Variants in KDM1B observed in about 807,000 individuals in gnomAD.
The protein encoded by KDM1B is lysine-specific histone demethylase 2.
Under a neutral mutation model 107.4 loss-of-function variants are expected in KDM1B, and 63 were observed. The ratio of observed to expected loss-of-function variants is 0.59; its 90% confidence interval spans 0.48 to 0.72. The LOEUF is 0.72. Among genes scored for constraint, KDM1B ranks in the 30% least tolerant of loss-of-function variants. The pLI, the probability that KDM1B is intolerant of heterozygous loss-of-function variation, is 0.00. For missense variants in KDM1B, 749 were observed against 1,020.8 expected (o/e 0.73, Z 3.63); for synonymous variants, 363 against 363.9 (o/e 1.00, Z 0.03).
Position 18,204,515 on chromosome 6 carries a change from G to A in KDM1B, c.1532-1022G>A, listed in dbSNP as rs182269931. On this transcript the variant is annotated intron_variant, in intron 14 of 21. Transcript: ENST00000650836. This position sits in a 1 kb window ranked among gnomAD's most constrained non-coding sequence, Gnocchi z 4.9. Reference sequence around the variant, plus strand: ...AGAAAACACCACCAGAAAAAGAAACGTGGAGTCTGTGATACATGTTTTGGA... The same window carrying A: ...AGAAAACACCACCAGAAAAAGAAACATGGAGTCTGTGATACATGTTTTGGA... 6.5e-4 allele frequency among the ~76,000 whole-genome samples: 99 copies of A among 152,188 alleles called. 2 individuals are homozygous for A. Among genetic ancestry groups the A allele is most frequent in the Middle Eastern group, 3.4e-3 (1 of 294 alleles).
chr6:18,206,464 C>T (rs1331398123), intron 15 of KDM1B, among the ~76,000 whole-genome samples: 2 of 152,208 alleles, frequency 1.3e-5, no homozygotes, highest in African/African-American at 4.8e-5. Context: ...CTGCAGTTAG[C>T]TGTGATGGTG....
chr6:18,210,372 T>TTTTTTTTTTTTTTTTTTTTTTC (rs1788777330), intron 17 of KDM1B, among the ~76,000 whole-genome samples: 1 of 116,876 alleles, frequency 8.6e-6, no homozygotes, highest in Non-Finnish European at 1.8e-5. Context: ...TTTTTTTTTT[T>TTTTTTTTTTTTTTTTTTTTTTC]GTTTTACAGG....
At chr6:18,210,552 TGTTTCCCTA>T (rs1270334517) in intron 17 of KDM1B, among the ~76,000 whole-genome samples, 1 of 151,514 alleles carries the variant, frequency 6.6e-6, no homozygotes, top group African/African-American at 2.4e-5. Flanking sequence ...GTAGAGACAG[TGTTTCCCTA>T]TGTTGTCCAG....
In KDM1B at chr6:18,155,694, C is replaced by T. The variant is rs1784543393; in HGVS notation, c.-58+123C>T. On this transcript the variant is annotated intron_variant, in intron 1 of 21. Coordinates refer to ENST00000650836, the MANE Select transcript of KDM1B (RefSeq NM_001364614.2). The surrounding 1 kb of genome is among the most constrained non-coding windows in gnomAD (Gnocchi z 6.2). ...CTTTCCCCCTGTGCAGCGCCCCTCGCCGTGGTGGGAGGTGGGCGGGTGCCC... is the reference window on the plus strand; with the variant it reads ...CTTTCCCCCTGTGCAGCGCCCCTCGTCGTGGTGGGAGGTGGGCGGGTGCCC... The T allele has an allele frequency of 6.6e-6, 1 of 152,480 alleles. No individual in the cohort carries two copies. The highest frequency in any genetic ancestry group is 6.5e-5 in the Admixed American group (1 of 15,276). The allele number at this position is 152,480 out of a possible 1,614,324, so 9.4% of individuals were successfully genotyped here.
chr6:18,156,915 T>A (rs901208839), intron 2 of KDM1B, among the ~76,000 whole-genome samples: 2 of 151,968 alleles, frequency 1.3e-5, no homozygotes, highest in African/African-American at 4.8e-5. Context: ...AGACTCCGTC[T>A]CAAAAAAAAG....
At position 18,164,644 on chromosome 6, in the gene KDM1B, G is replaced by C. The variant is rs994097138; in HGVS notation, c.306-1623G>C. On this transcript the variant is annotated intron_variant, in intron 5 of 21. Coordinates refer to ENST00000650836, the MANE Select transcript of KDM1B (RefSeq NM_001364614.2). Reference sequence around the variant, plus strand: ...TTACTTTTTACCTTTCTGAGTCTTTGTATTTAGAGTAGGTTTCTTTTCTTT... The same window carrying C: ...TTACTTTTTACCTTTCTGAGTCTTTCTATTTAGAGTAGGTTTCTTTTCTTT... Among the ~76,000 whole-genome samples, 44 of 151,912 alleles carry C rather than the reference G, an allele frequency of 2.9e-4. 1 individual carries two copies. The highest frequency in any genetic ancestry group is 9.7e-4 in the African/African-American group (40 of 41,356).
At chr6:18,168,469 C>G (rs548208657) in intron 6 of KDM1B, among the ~76,000 whole-genome samples, 22 of 152,220 alleles carry the variant, frequency 1.4e-4, no homozygotes, top group African/African-American at 4.6e-4. Context: ...GAATAATACT[C>G]CATTGAATGG....
chr6:18,218,958 A>C (rs183407573), intron 21 of KDM1B, among the ~76,000 whole-genome samples: 1 of 152,072 alleles, frequency 6.6e-6, no homozygotes, highest in African/African-American at 2.4e-5. Flanking sequence ...GCTGGAGTGC[A>C]GTGGCACGAT....
At chr6:18,182,670 C>G (rs1371827719) in intron 7 of KDM1B, among the ~76,000 whole-genome samples, 1 of 152,044 alleles carries the variant, frequency 6.6e-6, no homozygotes, top group Non-Finnish European at 1.5e-5. Context: ...CCTCTCACCA[C>G]AGGCACGCGA....
At chr6:18,176,898 G>A (rs1014860998) in intron 7 of KDM1B, among the ~76,000 whole-genome samples, 3 of 152,122 alleles carry the variant, frequency 2.0e-5, no homozygotes, top group East Asian at 1.9e-4. Context: ...TATTTTGTTA[G>A]CGTCTATGTT....
intron 6 of KDM1B, among the ~76,000 whole-genome samples, chr6:18,170,921 T>G (rs191033799): frequency 6.6e-6 from 1 of 150,440 alleles, no homozygotes; most frequent in Non-Finnish European, 1.5e-5. Flanking sequence ...CCCGGGTTCA[T>G]GCCATTCTCC....
chr6:18,193,370 C>T (rs1310194673), intron 10 of KDM1B, among the ~76,000 whole-genome samples: 2 of 136,150 alleles, frequency 1.5e-5, no homozygotes, highest in South Asian at 2.4e-4. Flanking sequence ...GTGGCACCAT[C>T]ACAGCTCACT....
Position 18,213,834 on chromosome 6 carries a change from T to C in KDM1B, c.2109+53T>C. 1.2e-6 allele frequency: 2 copies of C among 1,600,072 alleles called. No individual in the cohort carries two copies. Among genetic ancestry groups the C allele is most frequent in the South Asian group, 2.2e-5 (2 of 90,652 alleles). On this transcript the variant is annotated intron_variant, in intron 19 of 21. Transcript: ENST00000650836. This position sits in a 1 kb window ranked among gnomAD's most constrained non-coding sequence, Gnocchi z 5.9. Reference sequence around the variant, plus strand: ...AATTTCCGTCTTAAAGTTTAGAATTTGATGTGATAATTACTCACCTATCAA... The same window carrying C: ...AATTTCCGTCTTAAAGTTTAGAATTCGATGTGATAATTACTCACCTATCAA...
chr6:18,210,525 T>C (rs1172820356), intron 17 of KDM1B, among the ~76,000 whole-genome samples: 1 of 150,354 alleles, frequency 6.7e-6, no homozygotes, highest in Non-Finnish European at 1.5e-5. Context: ...ACTCAGCTAA[T>C]TAAAAATTTT....
At chr6:18,184,273 CTTTTT>C (rs1163110910) in intron 7 of KDM1B, among the ~76,000 whole-genome samples, 3 of 116,648 alleles carry the variant, frequency 2.6e-5, no homozygotes, top group African/African-American at 9.5e-5. Flanking sequence ...GTTCTAGCTT[CTTTTT>C]TTTTTTTTTT....
intron 5 of KDM1B, 94 bp downstream of exon 5, chr6:18,163,018 T>A (rs552196640): frequency 1.9e-5 from 14 of 753,654 alleles, no homozygotes; most frequent in Non-Finnish European, 3.3e-5. Flanking sequence ...GTCTCGAGGC[T>A]TACTGAATTA....
At position 18,191,248 on chromosome 6, in the gene KDM1B, G is replaced by T. The variant is rs1330719875; in HGVS notation, c.836G>T (p.Gly279Val). The T allele has an allele frequency of 6.4e-7, 1 of 1,550,618 alleles. No homozygotes were observed. The highest frequency in any genetic ancestry group is 1.2e-5 in the South Asian group (1 of 84,060). ...FQPFYQPNEC[G>V]KALCVRPDVM... is the part of the protein sequence containing the mutation. Reference sequence around the variant, plus strand: ...CCTTTCTACCAGCCCAATGAGTGTGGCAAAGCCCTCTGTGTGAGGCCGGAT... The same window carrying T: ...CCTTTCTACCAGCCCAATGAGTGTGTCAAAGCCCTCTGTGTGAGGCCGGAT... The change falls in exon 10 of 22, where the codon GGC (glycine) becomes GTC (valine). Residue 279 changes from glycine to valine, a missense_variant. Transcript: ENST00000650836. The surrounding 1 kb of genome is among the most constrained non-coding windows in gnomAD (Gnocchi z 5.1).
rs1582199677 is a variant in KDM1B, at chr6:18,209,024, T to A, written c.1866+818T>A. ...AATCTATTTTACTTTTATTCTGTGC[T>A]CTCCACATTTTTTTAAACCACGGAA... On this transcript the variant is annotated intron_variant, in intron 17 of 21. Coordinates refer to ENST00000650836, the MANE Select transcript of KDM1B (RefSeq NM_001364614.2). This position sits in a 1 kb window ranked among gnomAD's most constrained non-coding sequence, Gnocchi z 4.3. 6.6e-6 allele frequency among the ~76,000 whole-genome samples: 1 copy of A among 152,250 alleles called. No individual in the cohort carries two copies. Among genetic ancestry groups the A allele is most frequent in the African/African-American group, 2.4e-5 (1 of 41,548 alleles).
chr6:18,173,346 A>G (rs1329830626), intron 7 of KDM1B, among the ~76,000 whole-genome samples: 2 of 152,122 alleles, frequency 1.3e-5, no homozygotes, highest in Non-Finnish European at 2.9e-5. Context: ...TCTCTTTGGA[A>G]AATGTCTGAT....
Sources: gnomAD v4.1 joint callset for allele counts (sites outside exome capture counted in the v4.1 genomes callset) on GRCh38, gnomAD v4.1.1 for gene constraint, Gnocchi (gnomAD v3.1) non-coding constraint, MANE v1.5 for transcripts, NCBI Gene and HGNC (gene_info 2026-07-23, HGNC 2026-07-21) for gene names.